PCDHA1: variants seen among roughly 807,000 people sequenced by gnomAD.
PCDHA1 encodes the protein protocadherin alpha 1.
A neutral mutation model predicts 61.3 loss-of-function variants in PCDHA1; 42 were observed. The observed-to-expected ratio is 0.69, with a 90% confidence interval of 0.54 to 0.89. The LOEUF (loss-of-function observed/expected upper bound fraction) is 0.89, where lower values mean the gene tolerates loss of function less well. Among genes scored for constraint, PCDHA1 ranks in the 40% least tolerant of loss-of-function variants. PCDHA1 has a pLI of 0.00. For missense variants in PCDHA1, 1,256 were observed against 1,235.3 expected, an observed-to-expected ratio of 1.02 and a Z score of -0.25; for synonymous variants, 610 against 553.8, an observed-to-expected ratio of 1.10 and a Z score of -1.43.
At chr5:140,968,529 C>T in intron 1 of PCDHA1, 1 of 1,614,206 alleles carries the variant, frequency 6.2e-7, no homozygotes, top group Non-Finnish European at 8.5e-7. Flanking sequence ...ACCAACTCGT[C>T]AGCAGCCTTC....
chr5:140,852,915 G>T (rs112871977), intron 1 of PCDHA1: 1 of 783,362 alleles, frequency 1.3e-6, no homozygotes, highest in Non-Finnish European at 1.6e-6. Context: ...GTCTCGCTCT[G>T]TTGCCCAGGC....
chr5:140,848,919 A>C, intron 1 of PCDHA1: 1 of 1,608,020 alleles, frequency 6.2e-7, no homozygotes, highest in Non-Finnish European at 8.5e-7. Flanking sequence ...GAATCTGTTC[A>C]TCGCGGAATC....
At chr5:140,860,183 C>G (rs1286653695) in intron 1 of PCDHA1, 2 of 149,278 alleles carry the variant, frequency 1.3e-5, no homozygotes, top group Non-Finnish European at 3.0e-5. Flanking sequence ...ATATGATGGG[C>G]TCTCCTTACA....
At position 140,944,959 on chromosome 5, in the gene PCDHA1, A is replaced by C. The variant is rs183198577; in HGVS notation, c.2395-33990A>C. Among the ~76,000 whole-genome samples, 72 of 152,254 alleles carry C rather than the reference A, an allele frequency of 4.7e-4. No individual in the cohort carries two copies. The East Asian group carries it at 0.012, about 25-fold the overall frequency. ...TTAGATGATTGTGAATAAGAGTATT[A>C]TCTTAACCTCTCTGGTGGGTCTACT... On this transcript the variant is annotated intron_variant, in intron 1 of 3. Coordinates refer to ENST00000504120, the MANE Select transcript of PCDHA1 (RefSeq NM_018900.4).
At chr5:140,977,619 C>T (rs1289978944) in intron 1 of PCDHA1, among the ~76,000 whole-genome samples, 1 of 152,240 alleles carries the variant, frequency 6.6e-6, no homozygotes, top group African/African-American at 2.4e-5. Context: ...TAAAGTATCC[C>T]AGAGTTGTAA....
At chr5:140,829,966 G>T (rs2150178804) in intron 1 of PCDHA1, 1 of 1,614,002 alleles carries the variant, frequency 6.2e-7, no homozygotes, top group Non-Finnish European at 8.5e-7. Context: ...TTCGCGTGGG[G>T]CTGTACACGG....
intron 1 of PCDHA1, chr5:140,867,147 C>T (rs1554160998): frequency 6.6e-6 from 1 of 152,068 alleles, no homozygotes; most frequent in East Asian, 1.9e-4. Flanking sequence ...TATCATTTTT[C>T]CAGAGTAAAC....
In PCDHA1 at chr5:140,843,124, G is replaced by C. The variant is rs200664126; in HGVS notation, c.2394+54440G>C. 20 of 1,595,754 alleles carry C rather than the reference G, an allele frequency of 1.3e-5. 2 individuals are homozygous for C. Among genetic ancestry groups the C allele is most frequent in the South Asian group, 7.7e-5 (7 of 90,518 alleles). On this transcript the variant is annotated intron_variant, in intron 1 of 3. Transcript: ENST00000504120. ...AGGTGCGCGCAGTGGACGCCGACTC[G>C]GGCTACAACGCGTGGCTTTCGTATG...
At chr5:140,969,087 T>C (rs146741684) in intron 1 of PCDHA1, 741 of 1,613,920 alleles carry the variant, frequency 4.6e-4, no homozygotes, top group Non-Finnish European at 5.8e-4. Flanking sequence ...GGCCTCAAAG[T>C]GCAGCCTCAC....
At position 141,010,262 on chromosome 5, in the gene PCDHA1, C is replaced by A; in HGVS notation, c.*325C>A. 4 of 1,551,728 alleles carry A rather than the reference C, an allele frequency of 2.6e-6. No homozygotes were observed. Among genetic ancestry groups the A allele is most frequent in the Non-Finnish European group, 3.5e-6 (4 of 1,146,994 alleles). On this transcript the variant is annotated 3_prime_UTR_variant, in exon 4 of 4. Transcript: ENST00000504120. ...GAGGTTGGACTCTCTGCCCTGTGCT[C>A]CGGGGATCCTGTCTTGATGACACTT...
intron 3 of PCDHA1, among the ~76,000 whole-genome samples, chr5:140,985,892 A>G (rs2097176300): frequency 1.3e-5 from 2 of 151,830 alleles, no homozygotes; most frequent in Non-Finnish European, 2.9e-5. Flanking sequence ...GGCGCCCGCC[A>G]CCACTCCCGT....
chr5:140,853,285 A>G (rs2042696768), intron 1 of PCDHA1: 2 of 981,668 alleles, frequency 2.0e-6, no homozygotes, highest in Non-Finnish European at 2.5e-6. Flanking sequence ...TCATATGCAA[A>G]TTCTCAGAAG....
chr5:140,876,180 T>C (rs782772220), intron 1 of PCDHA1: 1 of 1,613,982 alleles, frequency 6.2e-7, no homozygotes, highest in South Asian at 1.1e-5. Context: ...TGGATGTGAA[T>C]GACAATGGTC....
chr5:140,808,688 G>C, intron 1 of PCDHA1: 1 of 1,612,394 alleles, frequency 6.2e-7, no homozygotes, highest in Non-Finnish European at 8.5e-7. Context: ...GCGGGTAGGG[G>C]AGCGCGCGCT....
Position 140,787,843 on chromosome 5 carries a change from A to G in PCDHA1, c.1553A>G (p.Tyr518Cys), listed in dbSNP as rs1554118009. The change falls in exon 1 of 4, where the codon TAC becomes TGC. Residue 518 changes from tyrosine (Y) to cysteine (C), a missense_variant. Physicochemically the swap from Tyr to Cys is radical, Grantham distance 194. Coordinates refer to ENST00000504120, the MANE Select transcript of PCDHA1 (RefSeq NM_018900.4). The part of the protein sequence containing the change: ...VSVHAESGKV[Y>C]ALQPLDHEEL... ...GTGCACGCGGAGAGCGGCAAGGTGT[A>G]CGCACTGCAGCCCCTGGACCACGAG... 1 of 1,612,626 alleles carries G rather than the reference A, an allele frequency of 6.2e-7. No individual in the cohort carries two copies. The highest frequency in any genetic ancestry group is 8.5e-7 in the Non-Finnish European group (1 of 1,179,778).
chr5:140,792,268 T>C (rs1424660086), intron 1 of PCDHA1, among the ~76,000 whole-genome samples: 2 of 152,184 alleles, frequency 1.3e-5, no homozygotes, highest in Non-Finnish European at 2.9e-5. Context: ...TCTCTTTTTC[T>C]GTCTTTTATA....
At chr5:140,855,892 G>C in intron 1 of PCDHA1, 2 of 1,011,396 alleles carry the variant, frequency 2.0e-6, no homozygotes, top group Non-Finnish European at 2.9e-6. Context: ...TAGAACAAAG[G>C]CATCAGCCAG....
chr5:140,955,175 A>G (rs1212192227), intron 1 of PCDHA1, among the ~76,000 whole-genome samples: 1 of 152,058 alleles, frequency 6.6e-6, no homozygotes, highest in Non-Finnish European at 1.5e-5. Flanking sequence ...TGGTTACTGT[A>G]GTTTTGTGGT....
At chr5:140,897,167 C>A (rs1271791310) in intron 1 of PCDHA1, among the ~76,000 whole-genome samples, 1 of 152,140 alleles carries the variant, frequency 6.6e-6, no homozygotes, top group Non-Finnish European at 1.5e-5. Flanking sequence ...TACTGTCTAT[C>A]TCCATGGGTT....
Sources: gnomAD v4.1 joint callset for allele counts (sites outside exome capture counted in the v4.1 genomes callset) on GRCh38, gnomAD v4.1.1 for gene constraint, MANE v1.5 for transcripts, NCBI Gene and HGNC (gene_info 2026-07-23, HGNC 2026-07-21) for gene names.